Variants in PCDHA11 observed in about 807,000 individuals in gnomAD.
The protein encoded by PCDHA11 is protocadherin alpha-11.
In PCDHA11, 61 loss-of-function variants were observed where a neutral mutation model predicts 70.3. That is an observed-to-expected ratio of 0.87 (90% confidence interval 0.71 to 1.07). The LOEUF is 1.07. Ranked by LOEUF, PCDHA11 falls within the 50% of genes least tolerant of loss-of-function variation. The probability of loss-of-function intolerance (pLI) is 0.00; values close to 1 mark genes in which losing one functional copy is unlikely to be tolerated. For synonymous variants in PCDHA11, 633 were observed against 555.1 expected, an observed-to-expected ratio of 1.14 and a Z score of -1.97; for missense variants, 1,324 against 1,237.5, an observed-to-expected ratio of 1.07 and a Z score of -1.05.
chr5:140,983,399 G>C (rs1486206101), intron 3 of PCDHA11, among the ~76,000 whole-genome samples: 1 of 152,148 alleles, frequency 6.6e-6, no homozygotes, highest in East Asian at 1.9e-4. Context: ...TTTCAGAAAG[G>C]GAAGATTAAG....
intron 1 of PCDHA11, chr5:140,883,143 C>A (rs782699546): frequency 1.2e-6 from 2 of 1,614,042 alleles, no homozygotes; most frequent in South Asian, 1.1e-5. Context: ...GTGGTATATG[C>A]ATTTACCATA....
intron 1 of PCDHA11, among the ~76,000 whole-genome samples, chr5:140,871,818 A>G (rs2053326422): frequency 6.6e-6 from 1 of 152,250 alleles, no homozygotes; most frequent in South Asian, 2.1e-4. Flanking sequence ...TAAAGTACCC[A>G]TGCCCCTTCA....
chr5:140,912,897 G>A (rs782442093), intron 1 of PCDHA11, among the ~76,000 whole-genome samples: 5 of 152,172 alleles, frequency 3.3e-5, no homozygotes, highest in Non-Finnish European at 5.9e-5. Context: ...TTGATATGAT[G>A]TATCATATTG....
At chr5:140,911,437 G>A (rs530362672) in intron 1 of PCDHA11, among the ~76,000 whole-genome samples, 3 of 152,166 alleles carry the variant, frequency 2.0e-5, no homozygotes, top group East Asian at 3.9e-4. Context: ...CCAATTTCCC[G>A]CAATTTCAGC....
intron 1 of PCDHA11, among the ~76,000 whole-genome samples, chr5:140,912,358 T>G (rs2075885370): frequency 1.4e-5 from 2 of 146,130 alleles, no homozygotes; most frequent in African/African-American, 2.6e-5. Flanking sequence ...TTTTTTTTTT[T>G]GCAGCTGTTG....
chr5:140,875,642 C>T (rs2153326944), intron 1 of PCDHA11: 3 of 1,613,606 alleles, frequency 1.9e-6, no homozygotes, highest in East Asian at 4.5e-5. Context: ...CTGGAGCTGG[C>T]GGAGCTGGTG....
intron 1 of PCDHA11, among the ~76,000 whole-genome samples, chr5:140,948,744 C>A (rs868917864): frequency 3.3e-5 from 5 of 151,312 alleles, no homozygotes; most frequent in South Asian, 2.1e-4. Flanking sequence ...GAGAATTTAT[C>A]AATTTTGCTG....
chr5:140,986,736 A>C (rs1056820843), intron 3 of PCDHA11, among the ~76,000 whole-genome samples: 1 of 152,206 alleles, frequency 6.6e-6, no homozygotes, highest in South Asian at 2.1e-4. Context: ...TCAAGACCCC[A>C]GGGGATCTGG....
chr5:140,945,800 C>T (rs1411676680), intron 1 of PCDHA11, among the ~76,000 whole-genome samples: 1 of 152,026 alleles, frequency 6.6e-6, no homozygotes, highest in African/African-American at 2.4e-5. Flanking sequence ...TGAAACTAGA[C>T]CCTTATCTCA....
In PCDHA11 at chr5:140,950,226, T is replaced by A. The variant is rs1478539445; in HGVS notation, c.2392-28723T>A. ...TGTTTACCTAGTCATTTACCATTTC[T>A]AGTGCCATTAATTTGTTCCTAAAGA... On this transcript the variant is annotated intron_variant, in intron 1 of 3. Coordinates refer to ENST00000398640, the MANE Select transcript of PCDHA11 (RefSeq NM_018902.5). 5.9e-5 allele frequency among the ~76,000 whole-genome samples: 9 copies of A among 152,018 alleles called. No homozygotes were observed. The East Asian group carries it at 1.7e-3, about 29-fold the overall frequency.
In PCDHA11 at chr5:140,966,446, C is replaced by T. The variant is rs2096003680; in HGVS notation, c.2392-12503C>T. Reference sequence around the variant, plus strand: ...CTGAGCCCTCCTACCGCTCCCTTTCCCCCTCCCCCTCTGTCTTCCCTTCTG... The same window carrying T: ...CTGAGCCCTCCTACCGCTCCCTTTCTCCCTCCCCCTCTGTCTTCCCTTCTG... On this transcript the variant is annotated intron_variant, in intron 1 of 3. Transcript: ENST00000398640. 7 of 424,490 alleles carry T rather than the reference C, an allele frequency of 1.6e-5. No homozygotes were observed. The East Asian group carries it at 2.5e-4, about 15-fold the overall frequency. 26.3% of individuals were successfully genotyped at this position (424,490 alleles called of 1,614,324 possible).
At chr5:140,973,273 C>A (rs1180418925) in intron 1 of PCDHA11, among the ~76,000 whole-genome samples, 1 of 152,150 alleles carries the variant, frequency 6.6e-6, no homozygotes, top group Non-Finnish European at 1.5e-5. Flanking sequence ...ACTTTTATTT[C>A]CCCCAGCACT....
chr5:140,885,642 A>G (rs2060672494), intron 1 of PCDHA11, among the ~76,000 whole-genome samples: 1 of 152,170 alleles, frequency 6.6e-6, no homozygotes, highest in Non-Finnish European at 1.5e-5. Flanking sequence ...CCTTCCAAGT[A>G]TTTTGGAACC....
intron 1 of PCDHA11, chr5:140,883,477 C>CTACT: frequency 6.2e-7 from 1 of 1,614,172 alleles, no homozygotes; most frequent in Middle Eastern, 1.7e-4. Context: ...CCTACAAGAA[C>CTACT]TACTACTCAT....
chr5:140,943,257 C>CAAAAAAAA (rs1238620023), intron 1 of PCDHA11, among the ~76,000 whole-genome samples: 2 of 77,482 alleles, frequency 2.6e-5, no homozygotes, highest in Admixed American at 1.5e-4. Flanking sequence ...GACTCTGTCT[C>CAAAAAAAA]AAAAAAAAAA....
At chr5:140,877,946 C>G in intron 1 of PCDHA11, 1 of 1,349,558 alleles carries the variant, frequency 7.4e-7, no homozygotes, top group South Asian at 1.7e-5. Context: ...TTTAAACTAT[C>G]GAATGTCTCA....
chr5:140,913,164 T>C (rs1211762965), intron 1 of PCDHA11, among the ~76,000 whole-genome samples: 1 of 152,208 alleles, frequency 6.6e-6, no homozygotes, highest in Non-Finnish European at 1.5e-5. Flanking sequence ...GGATTGGTAT[T>C]AGTTCTTCTT....
intron 1 of PCDHA11, among the ~76,000 whole-genome samples, chr5:140,964,926 A>G (rs2095863338): frequency 6.6e-6 from 1 of 152,212 alleles, no homozygotes; most frequent in African/African-American, 2.4e-5. Flanking sequence ...CTGGCTAGGT[A>G]GTGGAGCATT....
At chr5:140,946,720 A>C (rs1460843213) in intron 1 of PCDHA11, among the ~76,000 whole-genome samples, 4 of 150,970 alleles carry the variant, frequency 2.6e-5, no homozygotes, top group African/African-American at 9.8e-5. Flanking sequence ...ATGTTTAGTT[A>C]AATAAGCCAG....
Sources: gnomAD v4.1 joint callset for allele counts (sites outside exome capture counted in the v4.1 genomes callset) on GRCh38, gnomAD v4.1.1 for gene constraint, MANE v1.5 for transcripts, NCBI Gene and HGNC (gene_info 2026-07-23, HGNC 2026-07-21) for gene names.